OLA1: variants seen among roughly 807,000 people sequenced by gnomAD.
The protein encoded by OLA1 is Obg like ATPase 1.
OLA1 carries 14 observed loss-of-function variants against 48.4 expected under a neutral mutation model. The observed-to-expected ratio is 0.29, with a 90% CI of 0.19 to 0.45. The LOEUF (loss-of-function observed/expected upper bound fraction) is 0.45, where lower values mean the gene tolerates loss of function less well. OLA1 is among the 20% of genes least tolerant of loss of function. The pLI, the probability that OLA1 is intolerant of heterozygous loss-of-function variation, is 1.00. For synonymous variants in OLA1, 127 were observed against 150.4 expected (o/e 0.84, Z 1.14); for missense variants, 325 against 467.1 (o/e 0.70, Z 2.80).
In OLA1 at chr2:174,085,929, A is replaced by T. The variant is rs114423298; in HGVS notation, c.729-3865T>A. On this transcript the variant is annotated intron_variant, in intron 7 of 10. Transcript: ENST00000284719. ...TCCCCTCTCAAATCCCCCTGTCCCCATTTGTCATCTGCTAATGATCTTTCA... is the reference window on the plus strand; with the variant it reads ...TCCCCTCTCAAATCCCCCTGTCCCCTTTTGTCATCTGCTAATGATCTTTCA... Among the ~76,000 whole-genome samples the T allele has an allele frequency of 2.3e-3, 354 of 152,152 alleles. 3 individuals carry two copies. The highest frequency in any genetic ancestry group is 3.8e-3 in the Non-Finnish European group (259 of 67,986).
intron 2 of OLA1, among the ~76,000 whole-genome samples, chr2:174,243,592 TCTAGGCA>T (rs1689056444): frequency 6.6e-6 from 1 of 152,150 alleles, no homozygotes; most frequent in Non-Finnish European, 1.5e-5. Context: ...CTAACACCAG[TCTAGGCA>T]CTAGAAATAT....
At chr2:174,240,477 A>T (rs1416570176) in intron 2 of OLA1, 1 of 152,096 alleles carries the variant, frequency 6.6e-6, no homozygotes, top group East Asian at 1.9e-4. Context: ...ATTTTTTTTT[A>T]ATTTAATCTT....
chr2:174,091,409 ATC>A (rs141207937), intron 7 of OLA1, among the ~76,000 whole-genome samples: 20,648 of 152,098 alleles, frequency 0.14, 1,766 homozygotes, highest in Non-Finnish European at 0.2. Context: ...TGAAGATTTT[ATC>A]TGTCATCATC....
chr2:174,083,638 A>ATGGTATTC (rs1322504932), intron 7 of OLA1, among the ~76,000 whole-genome samples: 6 of 152,286 alleles, frequency 3.9e-5, no homozygotes, highest in South Asian at 2.1e-4. Flanking sequence ...CGTTAACATT[A>ATGGTATTC]TGGTATTCTA....
chr2:174,174,650 G>A (rs1224250112), intron 4 of OLA1, among the ~76,000 whole-genome samples: 3 of 151,980 alleles, frequency 2.0e-5, no homozygotes, highest in African/African-American at 7.2e-5. Flanking sequence ...ATAAAATACT[G>A]TTGAGAAGAG....
chr2:174,132,937 T>C (rs940674015), intron 5 of OLA1, among the ~76,000 whole-genome samples: 2 of 151,962 alleles, frequency 1.3e-5, no homozygotes, highest in Non-Finnish European at 2.9e-5. Flanking sequence ...ATTAAGATTT[T>C]CTTTTAGTAC....
chr2:174,138,325 A>T (rs1686358559), intron 5 of OLA1, among the ~76,000 whole-genome samples: 1 of 152,224 alleles, frequency 6.6e-6, no homozygotes, highest in African/African-American at 2.4e-5. Flanking sequence ...GGGAACACAG[A>T]CAACCCGGGA....
chr2:174,120,094 A>G (rs138909289), intron 7 of OLA1, among the ~76,000 whole-genome samples: 3,363 of 152,224 alleles, frequency 0.022, 60 homozygotes, highest in Middle Eastern at 0.051. Flanking sequence ...TAGGATCACA[A>G]AAATGAAACA....
chr2:174,131,257 T>C (rs1338344367), intron 5 of OLA1, among the ~76,000 whole-genome samples: 1 of 152,182 alleles, frequency 6.6e-6, no homozygotes, highest in Non-Finnish European at 1.5e-5. Flanking sequence ...TGCTCAATAT[T>C]ATTTGTGAAT....
chr2:174,079,236 T>G (rs1684811862), intron 9 of OLA1, 146 bp from the exon 10 acceptor site: 1 of 568,442 alleles, frequency 1.8e-6, no homozygotes, highest in Non-Finnish European at 3.0e-6. Context: ...TTAGTACATT[T>G]TCAACACTGG....
At chr2:174,190,831 T>C (rs1478848461) in intron 4 of OLA1, among the ~76,000 whole-genome samples, 2 of 149,620 alleles carry the variant, frequency 1.3e-5, no homozygotes, top group African/African-American at 4.9e-5. Flanking sequence ...GAAAACTTCT[T>C]ACATTAGAAA....
At chr2:174,153,608 C>G (rs1474811419) in intron 4 of OLA1, among the ~76,000 whole-genome samples, 1 of 151,908 alleles carries the variant, frequency 6.6e-6, no homozygotes, top group Non-Finnish European at 1.5e-5. Flanking sequence ...ATTAGACATC[C>G]GCACCATTAA....
chr2:174,224,618 A>G (rs1331800281), intron 3 of OLA1, among the ~76,000 whole-genome samples: 1 of 122,634 alleles, frequency 8.2e-6, no homozygotes, highest in Non-Finnish European at 1.6e-5. Flanking sequence ...CTTAAAAAAC[A>G]AAAAAGACAT....
chr2:174,183,619 G>A (rs898408687), intron 4 of OLA1, among the ~76,000 whole-genome samples: 1 of 152,254 alleles, frequency 6.6e-6, no homozygotes, highest in Non-Finnish European at 1.5e-5. Context: ...GTACTGTGAT[G>A]TGTAAGAGGA....
chr2:174,121,179 G>C (rs970092662), intron 7 of OLA1, among the ~76,000 whole-genome samples: 2 of 152,034 alleles, frequency 1.3e-5, no homozygotes, highest in African/African-American at 4.8e-5. Flanking sequence ...TAATACAAAG[G>C]CTATGTTGCA....
intron 4 of OLA1, among the ~76,000 whole-genome samples, chr2:174,208,545 G>A (rs142212139): frequency 9.9e-5 from 15 of 152,260 alleles, no homozygotes; most frequent in East Asian, 7.7e-4. Flanking sequence ...CAAATTCGGC[G>A]TTAAAGCTTT....
chr2:174,196,445 TA>T (rs1459203626), intron 4 of OLA1, among the ~76,000 whole-genome samples: 1 of 152,148 alleles, frequency 6.6e-6, no homozygotes, highest in Non-Finnish European at 1.5e-5. Flanking sequence ...GCTACCAAAA[TA>T]AGGGAGAGAT....
In OLA1 at chr2:174,079,399, G is replaced by GA. The variant is rs527829745; in HGVS notation, c.967-310dup. 22 of 188,040 alleles carry GA rather than the reference G, an allele frequency of 1.2e-4. No homozygotes were observed. The East Asian group carries it at 2.7e-3, about 23-fold the overall frequency. 11.6% of individuals were successfully genotyped at this position (188,040 alleles called of 1,614,324 possible). A position where few individuals can be genotyped will look rare whatever the true frequency, so the allele number is the denominator to read the frequency against. Reference sequence around the variant, plus strand: ...TTTCGATTTTCTATTCTTCACAGTGGAAAAAAATAGATTTTTAAGTAACTT... The same window carrying GA: ...TTTCGATTTTCTATTCTTCACAGTGGAAAAAAAATAGATTTTTAAGTAACTT... On this transcript the variant is annotated intron_variant, in intron 9 of 10. Coordinates refer to ENST00000284719, the MANE Select transcript of OLA1 (RefSeq NM_013341.5).
intron 5 of OLA1, among the ~76,000 whole-genome samples, chr2:174,128,145 C>T (rs1436825974): frequency 2.0e-5 from 3 of 151,846 alleles, no homozygotes; most frequent in African/African-American, 7.3e-5. Flanking sequence ...GTAATCCCAG[C>T]ATTTTGGGAG....
Sources: gnomAD v4.1 joint callset for allele counts (sites outside exome capture counted in the v4.1 genomes callset) on GRCh38, gnomAD v4.1.1 for gene constraint, MANE v1.5 for transcripts, NCBI Gene and HGNC (gene_info 2026-07-23, HGNC 2026-07-21) for gene names.